Variants in ASIC2 observed in about 807,000 individuals in gnomAD.
ASIC2 encodes acid-sensing ion channel 2.
A neutral mutation model predicts 57.3 loss-of-function variants in ASIC2; 25 were observed. That is an observed-to-expected ratio of 0.44 (90% CI 0.32 to 0.61). ASIC2 has a LOEUF of 0.61. Ranked by LOEUF, ASIC2 falls within the 20% of genes least tolerant of loss-of-function variation. ASIC2 has a pLI of 0.06. For synonymous variants in ASIC2, 319 were observed against 307.5 expected (o/e 1.04, Z -0.39); for missense variants, 641 against 738.1 (o/e 0.87, Z 1.52).
At chr17:33,685,580 T>C (rs1413575871) in intron 1 of ASIC2, among the ~76,000 whole-genome samples, 1 of 152,188 alleles carries the variant, frequency 6.6e-6, no homozygotes, top group African/African-American at 2.4e-5. Flanking sequence ...ACTTGCTGTC[T>C]CCTGGAAAAC....
chr17:33,613,691 C>T (rs1020855302), intron 1 of ASIC2, among the ~76,000 whole-genome samples: 6 of 152,126 alleles, frequency 3.9e-5, no homozygotes, highest in Non-Finnish European at 5.9e-5. Context: ...TATACACATA[C>T]GGAAATGTGT....
chr17:33,820,837 C>T (rs940210191), intron 1 of ASIC2, among the ~76,000 whole-genome samples: 1 of 152,264 alleles, frequency 6.6e-6, no homozygotes, highest in Middle Eastern at 3.4e-3. Flanking sequence ...TCATCATGCC[C>T]GGCTCACTTA....
intron 1 of ASIC2, among the ~76,000 whole-genome samples, chr17:33,977,366 G>T (rs187044620): frequency 1.3e-5 from 2 of 152,200 alleles, no homozygotes; most frequent in African/African-American, 2.4e-5. Context: ...TGCCTGCATC[G>T]TGGCAGTGGT....
At chr17:33,164,664 T>C (rs1380678851) in intron 1 of ASIC2, among the ~76,000 whole-genome samples, 1 of 152,138 alleles carries the variant, frequency 6.6e-6, no homozygotes, top group Non-Finnish European at 1.5e-5. Flanking sequence ...TGCTCAAGGC[T>C]TGCTTGCCAG....
chr17:34,126,065 GGCACATTCAAGA>G (rs1248135007), intron 1 of ASIC2, among the ~76,000 whole-genome samples: 5 of 152,204 alleles, frequency 3.3e-5, no homozygotes, highest in Non-Finnish European at 5.9e-5. Context: ...ACCTTGGGTA[GGCACATTCAAGA>G]GCTGGTGTGT....
intron 1 of ASIC2, among the ~76,000 whole-genome samples, chr17:33,283,304 C>T (rs1196083773): frequency 6.6e-6 from 1 of 151,220 alleles, no homozygotes; most frequent in Non-Finnish European, 1.5e-5. Flanking sequence ...CAGGAGCCCA[C>T]AGCCCTGTCT....
upstream of ASIC2, among the ~76,000 whole-genome samples, chr17:33,296,143 G>A (rs947630409): frequency 1.3e-5 from 2 of 152,042 alleles, no homozygotes; most frequent in Non-Finnish European, 2.9e-5. Context: ...AAGTGCTAGG[G>A]CCTCCTGTAA....
At chr17:33,048,173 G>C (rs990679718) in intron 3 of ASIC2, among the ~76,000 whole-genome samples, 1 of 152,226 alleles carries the variant, frequency 6.6e-6, no homozygotes, top group African/African-American at 2.4e-5. Context: ...GCCTGGAAGA[G>C]AGTCCTCACC....
chr17:33,819,031 G>T (rs1912671507), intron 1 of ASIC2, among the ~76,000 whole-genome samples: 1 of 152,210 alleles, frequency 6.6e-6, no homozygotes, highest in African/African-American at 2.4e-5. Flanking sequence ...GTGGGGTGGG[G>T]AGTCTTTTGG....
chr17:33,786,907 G>A (rs1911616320), intron 1 of ASIC2, among the ~76,000 whole-genome samples: 1 of 152,134 alleles, frequency 6.6e-6, no homozygotes, highest in Admixed American at 6.5e-5. Flanking sequence ...ATCAAAGGTG[G>A]GCTAATTTTA....
chr17:34,130,742 T>C (rs916132019), intron 1 of ASIC2, among the ~76,000 whole-genome samples: 3 of 152,246 alleles, frequency 2.0e-5, no homozygotes, highest in African/African-American at 7.2e-5. Context: ...GCATTACCCA[T>C]GTTTGCATAA....
chr17:33,318,259 TC>T (rs1279181146), intron 1 of ASIC2, among the ~76,000 whole-genome samples: 1 of 152,190 alleles, frequency 6.6e-6, no homozygotes, highest in Non-Finnish European at 1.5e-5. Context: ...CTTTCTTCTC[TC>T]GTCTTTAACA....
At chr17:33,054,498 C>G (rs2091990213) in intron 3 of ASIC2, among the ~76,000 whole-genome samples, 1 of 152,298 alleles carries the variant, frequency 6.6e-6, no homozygotes, top group Admixed American at 6.5e-5. Flanking sequence ...TAACATTGTG[C>G]AGTCATGTGA....
intron 1 of ASIC2, among the ~76,000 whole-genome samples, chr17:33,552,512 C>T (rs549117846): frequency 6.6e-6 from 1 of 152,352 alleles, no homozygotes; most frequent in Non-Finnish European, 1.5e-5. Context: ...TGGTGTCCAG[C>T]AGACGTGGGT....
intron 1 of ASIC2, among the ~76,000 whole-genome samples, chr17:33,579,385 C>T (rs1406348167): frequency 6.6e-6 from 1 of 151,630 alleles, no homozygotes; most frequent in Non-Finnish European, 1.5e-5. Flanking sequence ...CTCTAACACT[C>T]CGCCTCATTA....
upstream of ASIC2, among the ~76,000 whole-genome samples, chr17:33,296,612 T>C (rs137964976): frequency 6.6e-6 from 1 of 152,366 alleles, no homozygotes; most frequent in Non-Finnish European, 1.5e-5. Context: ...CTGTGTGATG[T>C]TGTGTGCAGT....
chr17:33,533,775 A>G (rs896631503), intron 1 of ASIC2: 8 of 152,216 alleles, frequency 5.3e-5, no homozygotes, highest in African/African-American at 1.9e-4. Flanking sequence ...AGCTGCACCT[A>G]GAACTTGGTG....
intron 1 of ASIC2, among the ~76,000 whole-genome samples, chr17:34,112,469 A>G (rs991818083): frequency 1.3e-5 from 2 of 152,142 alleles, no homozygotes; most frequent in African/African-American, 4.8e-5. Context: ...AAAAAAAAAA[A>G]AAAAGGAAAA....
chr17:33,042,551 C>T (rs553092953), intron 3 of ASIC2, among the ~76,000 whole-genome samples: 49 of 152,242 alleles, frequency 3.2e-4, no homozygotes, highest in Non-Finnish European at 5.0e-4. Flanking sequence ...TTACTAGAAC[C>T]GTCTCATTGA....
Sources: gnomAD v4.1 joint callset for allele counts (sites outside exome capture counted in the v4.1 genomes callset) on GRCh38, gnomAD v4.1.1 for gene constraint, MANE v1.5 for transcripts, NCBI Gene and HGNC (gene_info 2026-07-23, HGNC 2026-07-21) for gene names.